The following OGA variants were observed in gnomAD, a reference collection of about 807,000 sequenced individuals.
OGA encodes the protein O-GlcNAcase, also known as protein O-GlcNAcase.
In OGA, 21 loss-of-function variants were observed where a neutral mutation model predicts 102.0. The ratio of observed to expected loss-of-function variants is 0.21; its 90% CI spans 0.15 to 0.30. The LOEUF (loss-of-function observed/expected upper bound fraction) is 0.30, where lower values mean the gene tolerates loss of function less well. OGA is among the 10% of genes least tolerant of loss of function. The probability of loss-of-function intolerance (pLI) is 1.00; values close to 1 mark genes in which losing one functional copy is unlikely to be tolerated. For missense variants in OGA, 765 were observed against 1,107.8 expected (o/e 0.69, Z 4.39); for synonymous variants, 408 against 378.2 (o/e 1.08, Z -0.91).
chr10:101,799,132 C>T lies in OGA; in HGVS notation c.1519G>A (p.Ala507Thr). Residue 507 changes from alanine (A) to threonine (T), a missense_variant, in exon 9 of 16, where the codon GCT (alanine) becomes ACT (threonine). Ala to Thr is a moderately conservative substitution (Grantham distance 58). This residue lies in a region of OGA where 281 missense variants were observed against 345.8 expected (regional missense o/e 0.81). Transcript: ENST00000361464. ...KPMDTDKESI[A>T]ESKSPEMSMQ... ...GACATCTCTGGGGATTTTGATTCAGCTATGCTCTCTTTATCAGTGTCCATT... is the reference window on the plus strand; with the variant it reads ...GACATCTCTGGGGATTTTGATTCAGTTATGCTCTCTTTATCAGTGTCCATT... 1.2e-6 allele frequency: 2 copies of T among 1,614,236 alleles called. 1 individual carries two copies. The highest frequency in any genetic ancestry group is 2.2e-5 in the South Asian group (2 of 91,084).
intron 3 of OGA, among the ~76,000 whole-genome samples, chr10:101,811,373 A>G (rs2065553381): frequency 6.9e-6 from 1 of 144,666 alleles, no homozygotes; most frequent in South Asian, 2.4e-4. Flanking sequence ...TGGACGACAC[A>G]GCAAGACTCC....
intron 4 of OGA, 105 bp from the exon 5 acceptor site, chr10:101,808,006 T>C (rs963477655): frequency 3.2e-6 from 3 of 930,574 alleles, no homozygotes; most frequent in African/African-American, 3.4e-5. Flanking sequence ...CTTACTAGAA[T>C]GTTCAAAGAC....
At chr10:101,811,882 G>A (rs1031796112) in intron 3 of OGA, among the ~76,000 whole-genome samples, 8 of 152,008 alleles carry the variant, frequency 5.3e-5, no homozygotes, top group Non-Finnish European at 1.2e-4. Context: ...ATTTTCAGTA[G>A]TATCTCAAGA....
At chr10:101,814,987 G>A (rs2065603700) in intron 1 of OGA, among the ~76,000 whole-genome samples, 1 of 152,160 alleles carries the variant, frequency 6.6e-6, no homozygotes, top group Admixed American at 6.5e-5. Flanking sequence ...ACTTGTCTCA[G>A]TCTAATCATC....
intron 7 of OGA, among the ~76,000 whole-genome samples, chr10:101,802,449 G>A (rs1452768101): frequency 2.6e-5 from 4 of 152,298 alleles, no homozygotes; most frequent in South Asian, 2.1e-4. Context: ...CCAGGAGGGC[G>A]GATCACCTGA....
intron 5 of OGA, 145 bp from the exon 6 acceptor site, chr10:101,806,288 T>TGC (rs2065473023): frequency 1.9e-6 from 1 of 530,554 alleles, no homozygotes; most frequent in Admixed American, 3.1e-5. Flanking sequence ...CTGCAACCTC[T>TGC]GCCTCCTGGG....
intron 7 of OGA, among the ~76,000 whole-genome samples, chr10:101,801,504 G>C (rs1263749753): frequency 6.6e-6 from 1 of 151,692 alleles, no homozygotes; most frequent in East Asian, 1.9e-4. Flanking sequence ...TGAATTTTTT[G>C]ATTTTGTACT....
At chr10:101,796,941 T>C (rs974581830) in intron 10 of OGA, 1 of 152,020 alleles carries the variant, frequency 6.6e-6, no homozygotes, top group Non-Finnish European at 1.5e-5. Flanking sequence ...TACCTGTTAT[T>C]ACAGCAATCC....
chr10:101,814,948 C>T (rs1236045464), intron 1 of OGA, among the ~76,000 whole-genome samples: 1 of 152,200 alleles, frequency 6.6e-6, no homozygotes, highest in Non-Finnish European at 1.5e-5. Context: ...AAACCACACA[C>T]TTTACATCTT....
At chr10:101,810,563 G>A (rs777827445) in intron 3 of OGA, among the ~76,000 whole-genome samples, 5 of 152,182 alleles carry the variant, frequency 3.3e-5, no homozygotes, top group African/African-American at 9.7e-5. Flanking sequence ...CAGAAAATAA[G>A]AGGCCCTTCT....
intron 14 of OGA, among the ~76,000 whole-genome samples, chr10:101,788,396 G>A (rs1452488060): frequency 1.4e-5 from 2 of 144,486 alleles, no homozygotes; most frequent in African/African-American, 5.2e-5. Context: ...CTGAGATCCT[G>A]CCACCGCACT....
chr10:101,809,589 C>T (rs977001757), intron 4 of OGA, among the ~76,000 whole-genome samples: 7 of 150,512 alleles, frequency 4.7e-5, no homozygotes, highest in Admixed American at 6.6e-5. Flanking sequence ...GGTGGTGTGC[C>T]TGTAACAGCT....
intron 8 of OGA, among the ~76,000 whole-genome samples, chr10:101,799,849 T>C (rs1437730747): frequency 1.3e-5 from 2 of 152,296 alleles, no homozygotes; most frequent in East Asian, 3.9e-4. Context: ...TCACTTTGCT[T>C]AGTGGGCATA....
chr10:101,814,792 C>G (rs899228353), intron 1 of OGA, among the ~76,000 whole-genome samples: 2 of 152,164 alleles, frequency 1.3e-5, no homozygotes, highest in African/African-American at 2.4e-5. Context: ...AAAGAAAACT[C>G]AAGAATGTCC....
In OGA at chr10:101,800,316, T is replaced by C. The variant is rs778330794; in HGVS notation, c.1121A>G (p.Tyr374Cys). The change falls in exon 8 of 16, where the codon TAT (tyrosine) becomes TGT (cysteine). Residue 374 changes from tyrosine (Y) to cysteine (C), a missense_variant. This residue lies in a region of OGA where 281 missense variants were observed against 345.8 expected (regional missense o/e 0.81). Transcript: ENST00000361464. ...SDEDIETDVL[Y>C]SPQMALKLAL... ...TAGCTTTAGAGCCATCTGTGGACTA[T>C]AGAGTACATCAGTTTCAATATCTTC... 3 of 1,613,632 alleles carry C rather than the reference T, an allele frequency of 1.9e-6. No individual in the cohort carries two copies. The highest frequency in any genetic ancestry group is 1.7e-5 in the Admixed American group (1 of 60,030).
Position 101,799,012 on chromosome 10 carries a change from A to G in OGA, c.1639T>C (p.Leu547=). ...QFVPGPNEKP[L]YTAEPVTLED... ...AGGGTCACTGGTTCCGCAGTGTACA[A>G]AGGCTTTTCATTTGGACCTGGCACA... The change falls in exon 9 of 16, where the codon TTG becomes CTG. Residue 547 remains leucine (L), a synonymous_variant. Transcript: ENST00000361464. The G allele has an allele frequency of 6.2e-7, 1 of 1,614,202 alleles. No individual in the cohort carries two copies. Among genetic ancestry groups the G allele is most frequent in the Non-Finnish European group, 8.5e-7 (1 of 1,180,034 alleles).
rs765445783 is a variant in OGA, at chr10:101,803,727, C to A, written c.1036+8G>T. ...CCCAAGGTGAAAGATCAAGTACAGG[C>A]TACTTACTCATCACTACATCTTTTC... On this transcript the variant is annotated splice_region_variant and intron_variant, in intron 7 of 15. Transcript: ENST00000361464. The A allele has an allele frequency of 1.2e-6, 2 of 1,611,796 alleles. No homozygotes were observed. Among genetic ancestry groups the A allele is most frequent in the Non-Finnish European group, 1.7e-6 (2 of 1,178,148 alleles).
rs768048738 is a variant in OGA at position 101,803,961 on chromosome 10, A to C, written c.810T>G (p.Ile270Met). The change falls in exon 7 of 16, where the codon ATT becomes ATG. Residue 270 changes from isoleucine (I) to methionine (M), a missense_variant. Ile to Met is a conservative substitution (Grantham distance 10). Around this residue, in one of 7 missense-constraint regions of OGA, gnomAD observed 165 missense variants for 249.7 expected, o/e 0.66. Coordinates refer to ENST00000361464, the MANE Select transcript of OGA (RefSeq NM_012215.5). ...CCCAGATTACTGGAGCTCTCTTAATAATCTTAGAAACCTCTTCGATGGACT... is the reference window on the plus strand; with the variant it reads ...CCCAGATTACTGGAGCTCTCTTAATCATCTTAGAAACCTCTTCGATGGACT... ...PVESIEEVSKIIKRAPVIWDN... is the reference protein window; with the variant it reads ...PVESIEEVSKMIKRAPVIWDN... The C allele has an allele frequency of 1.9e-6, 3 of 1,614,062 alleles. No individual in the cohort carries two copies. The South Asian group carries it at 3.3e-5, about 18-fold the overall frequency.
At chr10:101,793,714 G>C (rs543594363) in intron 11 of OGA, 199 bp downstream of exon 11, 6 of 508,060 alleles carry the variant, frequency 1.2e-5, no homozygotes, top group African/African-American at 9.7e-5. Flanking sequence ...GCAGGCGCGG[G>C]GGGGATTGGC....
Sources: allele counts gnomAD v4.1 joint callset (sites outside exome capture counted in the v4.1 genomes callset), GRCh38; gene constraint gnomAD v4.1.1; regional missense constraint gnomAD v4.1.1; transcripts MANE v1.5; gene names NCBI Gene and HGNC (gene_info 2026-07-23, HGNC 2026-07-21).